Variants in LAMA3 observed in about 807,000 individuals in gnomAD.
The protein encoded by LAMA3 is laminin subunit alpha-3.
Under a neutral mutation model 402.0 loss-of-function variants are expected in LAMA3, and 281 were observed. That is an observed-to-expected ratio of 0.70 (90% CI 0.63 to 0.77). The LOEUF (loss-of-function observed/expected upper bound fraction) is 0.77, where lower values mean the gene tolerates loss of function less well. Ranked by LOEUF, LAMA3 falls within the 30% of genes least tolerant of loss-of-function variation. The probability of loss-of-function intolerance (pLI) is 0.00; values close to 1 mark genes in which losing one functional copy is unlikely to be tolerated. For synonymous variants in LAMA3, 1,431 were observed against 1,558.4 expected, an observed-to-expected ratio of 0.92 and a Z score of 1.93; for missense variants, 3,840 against 4,215.5, an observed-to-expected ratio of 0.91 and a Z score of 2.47.
chr18:23,891,051 G>C (rs1941511), intron 42 of LAMA3, among the ~76,000 whole-genome samples: 1 of 152,148 alleles, frequency 6.6e-6, no homozygotes, highest in African/African-American at 2.4e-5. Context: ...GAGAAAAGGC[G>C]TACACAATTT....
intron 15 of LAMA3, 42 bp from the exon 16 acceptor site, chr18:23,815,146 T>G (rs1407934821): frequency 6.3e-7 from 1 of 1,583,594 alleles, no homozygotes; most frequent in Admixed American, 1.7e-5. Flanking sequence ...GAACTGTCTT[T>G]TGTGTCTCCC....
chr18:23,799,857 C>T (rs1425504051), intron 12 of LAMA3, among the ~76,000 whole-genome samples: 1 of 152,196 alleles, frequency 6.6e-6, no homozygotes, highest in East Asian at 1.9e-4. Flanking sequence ...GTTGATTCTG[C>T]AGCTCAAGTC....
intron 58 of LAMA3, 152 bp from the exon 59 acceptor site, chr18:23,915,137 G>C (rs1599085114): frequency 2.3e-6 from 2 of 878,768 alleles, no homozygotes; most frequent in East Asian, 5.3e-5. Context: ...CAGTCATACA[G>C]CTAGTAAATA....
chr18:23,885,330 A>AC (rs1355751744), intron 41 of LAMA3, among the ~76,000 whole-genome samples: 30 of 94,848 alleles, frequency 3.2e-4, no homozygotes, highest in Admixed American at 2.5e-3. Context: ...TAGCCCCCCC[A>AC]CCCCCCCACC....
At chr18:23,928,358 G>A in intron 63 of LAMA3, 118 bp downstream of exon 63, 1 of 765,498 alleles carries the variant, frequency 1.3e-6, no homozygotes, top group Non-Finnish European at 2.3e-6. Flanking sequence ...CAGTGAACTG[G>A]CTCATATACA....
At chr18:23,904,305 C>A (rs111722454) in intron 50 of LAMA3, among the ~76,000 whole-genome samples, 1 of 152,128 alleles carries the variant, frequency 6.6e-6, no homozygotes, top group Admixed American at 6.6e-5. Flanking sequence ...CTACAGAGGC[C>A]ATCACCTCAG....
chr18:23,863,002 GGAGAGAGAGAGAGAGAGAAAGA>G (rs1262684228), intron 35 of LAMA3, among the ~76,000 whole-genome samples: 2 of 148,632 alleles, frequency 1.3e-5, no homozygotes, highest in Non-Finnish European at 3.0e-5. Context: ...ACAGGGTGGG[GGAGAGAGAGAGAGAGAGAAAGA>G]GAGAGAGAGA....
rs769365193 is a variant in LAMA3 at position 23,871,444 on chromosome 18, A to G, written c.4781A>G (p.His1594Arg). The G allele has an allele frequency of 3.7e-6, 6 of 1,614,028 alleles. No homozygotes were observed. The highest frequency in any genetic ancestry group is 5.1e-6 in the Non-Finnish European group (6 of 1,179,968). ...TTCCATGTGTAGGGAAACTTCAGAC[A>G]TGCCAGCAGCCGTGCCCCAGTGTCT... The part of the protein sequence containing the change: ...RVHVVEGNFR[H>R]ASSRAPVSRE... Residue 1594 changes from histidine to arginine, a missense_variant, in exon 38 of 75, where the codon CAT becomes CGT. His to Arg is a conservative substitution (Grantham distance 29, BLOSUM62 0). This residue lies in a region of LAMA3 where 2,109 missense variants were observed against 2,376.0 expected (regional missense o/e 0.89). Transcript: ENST00000313654.
At position 23,763,385 on chromosome 18, in the gene LAMA3, T is replaced by C. The variant is rs752487301; in HGVS notation, c.1064-20T>C. ...TGATAGTAATAATGAGAATATTGAC[T>C]TATTATGCTTTTTTTTCAGCATGCA... On this transcript the variant is annotated intron_variant, in intron 7 of 74. Transcript: ENST00000313654. 7.1e-7 allele frequency: 1 copy of C among 1,416,794 alleles called. No homozygotes were observed. The highest frequency in any genetic ancestry group is 2.3e-5 in the East Asian group (1 of 43,914). 87.8% of individuals were successfully genotyped at this position (1,416,794 alleles called of 1,614,324 possible).
chr18:23,810,637 C>T (rs1430092952), intron 13 of LAMA3, 134 bp downstream of exon 13: 1 of 974,154 alleles, frequency 1.0e-6, no homozygotes, highest in Non-Finnish European at 1.6e-6. Flanking sequence ...CAGATCTAGT[C>T]TGCTTGGTTC....
intron 11 of LAMA3, among the ~76,000 whole-genome samples, chr18:23,779,282 G>A (rs995967210): frequency 2.2e-5 from 2 of 91,924 alleles, no homozygotes; most frequent in Non-Finnish European, 3.7e-5. Context: ...AATCTCAGGA[G>A]AAGAGAAGAG....
chr18:23,803,989 G>C (rs2062914339), intron 12 of LAMA3, among the ~76,000 whole-genome samples: 1 of 152,164 alleles, frequency 6.6e-6, no homozygotes, highest in Non-Finnish European at 1.5e-5. Flanking sequence ...TTTGATGACG[G>C]AATGCTGCTG....
intron 25 of LAMA3, among the ~76,000 whole-genome samples, chr18:23,837,888 C>T (rs2063618934): frequency 6.6e-6 from 1 of 152,026 alleles, no homozygotes; most frequent in African/African-American, 2.4e-5. Context: ...AACTTGGAGC[C>T]TGCTCTTAAG....
chr18:23,892,903 CAAAAAAAAA>C (rs34079963), intron 42 of LAMA3, among the ~76,000 whole-genome samples: 1 of 69,460 alleles, frequency 1.4e-5, no homozygotes, highest in African/African-American at 4.4e-5. Flanking sequence ...AACTCTGTCT[CAAAAAAAAA>C]AAAAAAAAAA....
intron 2 of LAMA3, among the ~76,000 whole-genome samples, chr18:23,716,897 T>G (rs1387210462): frequency 1.3e-5 from 2 of 152,220 alleles, no homozygotes; most frequent in Non-Finnish European, 2.9e-5. Context: ...GCATCCCTCA[T>G]AAGATTATTA....
At chr18:23,715,012 A>C (rs923323206) in intron 2 of LAMA3, among the ~76,000 whole-genome samples, 2 of 152,210 alleles carry the variant, frequency 1.3e-5, no homozygotes, top group African/African-American at 4.8e-5. Flanking sequence ...TGGAAATAAA[A>C]GACTATCTTA....
intron 43 of LAMA3, 99 bp from the exon 44 acceptor site, chr18:23,894,808 T>C: frequency 6.7e-7 from 1 of 1,482,478 alleles, no homozygotes; most frequent in Non-Finnish European, 9.4e-7. Flanking sequence ...CCCGTGACGA[T>C]CTGCGTGCAT....
At chr18:23,697,790 C>T (rs2060711271) in intron 1 of LAMA3, among the ~76,000 whole-genome samples, 2 of 147,956 alleles carry the variant, frequency 1.4e-5, no homozygotes, top group African/African-American at 2.5e-5. Flanking sequence ...TCAGTTTGCT[C>T]GGACTGCCAT....
At chr18:23,842,553 C>T in intron 28 of LAMA3, 32 bp downstream of exon 28, 2 of 1,614,224 alleles carry the variant, frequency 1.2e-6, no homozygotes, top group South Asian at 1.1e-5. Flanking sequence ...CTGCTGCCTG[C>T]CTCAGGCTGA....
Sources: allele counts gnomAD v4.1 joint callset (sites outside exome capture counted in the v4.1 genomes callset), GRCh38; gene constraint gnomAD v4.1.1; regional missense constraint gnomAD v4.1.1; transcripts MANE v1.5; gene names NCBI Gene and HGNC (gene_info 2026-07-23, HGNC 2026-07-21).